Variants in ZNF569 observed in about 807,000 individuals in gnomAD.
The protein encoded by ZNF569 is zinc finger protein 569.
A neutral mutation model predicts 56.3 loss-of-function variants in ZNF569; 38 were observed. That is an observed-to-expected ratio of 0.68 (90% CI 0.52 to 0.88). ZNF569 has a LOEUF of 0.88. Among genes scored for constraint, ZNF569 ranks in the 40% least tolerant of loss-of-function variants. The probability of loss-of-function intolerance (pLI) is 0.00; values close to 1 mark genes in which losing one functional copy is unlikely to be tolerated. For missense variants in ZNF569, 666 were observed against 809.2 expected, an observed-to-expected ratio of 0.82 and a Z score of 2.15; for synonymous variants, 241 against 262.9, an observed-to-expected ratio of 0.92 and a Z score of 0.81.
chr19:37,447,025 G>C (rs981146435), intron 2 of ZNF569, among the ~76,000 whole-genome samples: 4 of 152,120 alleles, frequency 2.6e-5, no homozygotes, highest in Non-Finnish European at 5.9e-5. Flanking sequence ...CTAATTATTA[G>C]GGAAACGCAA....
intron 3 of ZNF569, among the ~76,000 whole-genome samples, chr19:37,443,015 T>C (rs909314843): frequency 1.3e-5 from 2 of 152,160 alleles, no homozygotes; most frequent in Admixed American, 6.6e-5. Context: ...ATTAACTGAG[T>C]GTGCCTGAGG....
At chr19:37,452,206 C>T (rs1361591015) in intron 2 of ZNF569, among the ~76,000 whole-genome samples, 2 of 152,114 alleles carry the variant, frequency 1.3e-5, no homozygotes, top group South Asian at 4.1e-4. Flanking sequence ...ATTTTAAATT[C>T]TCCTGCCCAC....
At chr19:37,420,256 C>T (rs761925017) in intron 5 of ZNF569, among the ~76,000 whole-genome samples, 22 of 151,632 alleles carry the variant, frequency 1.5e-4, no homozygotes, top group Admixed American at 4.6e-4. Flanking sequence ...CCAAAGTGCT[C>T]GGATTACAGG....
At chr19:37,464,866 T>C (rs1279531022) in intron 2 of ZNF569, among the ~76,000 whole-genome samples, 1 of 152,212 alleles carries the variant, frequency 6.6e-6, no homozygotes, top group Non-Finnish European at 1.5e-5. Flanking sequence ...CAAAGCTGTC[T>C]TCTTAAATTG....
intron 5 of ZNF569, among the ~76,000 whole-genome samples, chr19:37,417,780 G>T (rs1352870319): frequency 6.6e-6 from 1 of 152,126 alleles, no homozygotes; most frequent in African/African-American, 2.4e-5. Context: ...TGTAAGAGAA[G>T]AATTACTTTT....
intron 2 of ZNF569, among the ~76,000 whole-genome samples, chr19:37,449,666 T>C (rs1056174009): frequency 4.6e-5 from 7 of 151,612 alleles, no homozygotes; most frequent in African/African-American, 1.5e-4. Context: ...TTTTGGTTAG[T>C]ATTTTGTGGC....
At chr19:37,444,529 A>G (rs2146939384) in intron 3 of ZNF569, among the ~76,000 whole-genome samples, 1 of 152,328 alleles carries the variant, frequency 6.6e-6, no homozygotes, top group East Asian at 1.9e-4. Flanking sequence ...GAGAACATCA[A>G]AAGAGCTAGG....
At chr19:37,425,140 A>T (rs2041105646) in intron 5 of ZNF569, among the ~76,000 whole-genome samples, 2 of 151,658 alleles carry the variant, frequency 1.3e-5, no homozygotes, top group Non-Finnish European at 2.9e-5. Flanking sequence ...AAAGGTCTAC[A>T]TGCTTTCTGA....
chr19:37,448,556 C>CTT (rs545559315), intron 2 of ZNF569, among the ~76,000 whole-genome samples: 1,780 of 72,578 alleles, frequency 0.025, 29 homozygotes, highest in Non-Finnish European at 0.027. Flanking sequence ...ATGCTGTAAT[C>CTT]TTTTTTTTTT....
chr19:37,414,706 G>GA (rs2040899379), intron 5 of ZNF569, among the ~76,000 whole-genome samples: 1 of 152,034 alleles, frequency 6.6e-6, no homozygotes, highest in Non-Finnish European at 1.5e-5. Context: ...AGGAAATGCA[G>GA]AATGTACAAA....
At chr19:37,465,732 G>T (rs934947324) in intron 1 of ZNF569, among the ~76,000 whole-genome samples, 2 of 152,014 alleles carry the variant, frequency 1.3e-5, no homozygotes, top group African/African-American at 2.4e-5. Context: ...ATAGGTTCTG[G>T]GAACCTTTAA....
intron 2 of ZNF569, among the ~76,000 whole-genome samples, chr19:37,457,927 T>C: frequency 6.6e-6 from 1 of 152,210 alleles, no homozygotes; most frequent in Non-Finnish European, 1.5e-5. Flanking sequence ...TTGCCCAAGC[T>C]GGAGGAGCGC....
At chr19:37,419,697 T>G (rs111680907) in intron 5 of ZNF569, among the ~76,000 whole-genome samples, 9 of 152,042 alleles carry the variant, frequency 5.9e-5, no homozygotes, top group African/African-American at 2.2e-4. Flanking sequence ...CACTCCAGCC[T>G]GGGTAACTAA....
intron 2 of ZNF569, among the ~76,000 whole-genome samples, chr19:37,452,680 C>T (rs2041614113): frequency 6.6e-6 from 1 of 151,988 alleles, no homozygotes; most frequent in South Asian, 2.1e-4. Context: ...GAAAAAAATC[C>T]CTTAATAGTC....
intron 5 of ZNF569, among the ~76,000 whole-genome samples, chr19:37,416,074 G>C (rs2040925964): frequency 1.3e-5 from 2 of 150,926 alleles, no homozygotes; most frequent in African/African-American, 4.9e-5. Flanking sequence ...TTCTACAAAA[G>C]ATACAAAAAT....
intron 2 of ZNF569, among the ~76,000 whole-genome samples, chr19:37,447,796 T>C (rs921202040): frequency 6.6e-6 from 1 of 152,130 alleles, no homozygotes; most frequent in Non-Finnish European, 1.5e-5. Context: ...AGGAGTTGCT[T>C]TGTTTTTTGT....
chr19:37,420,135 C>G (rs775839384), intron 5 of ZNF569, among the ~76,000 whole-genome samples: 1 of 151,620 alleles, frequency 6.6e-6, no homozygotes, highest in African/African-American at 2.4e-5. Context: ...TACAGGTGTG[C>G]GCCACCACGC....
intron 5 of ZNF569, among the ~76,000 whole-genome samples, chr19:37,418,423 TA>T (rs1189401654): frequency 2.0e-5 from 3 of 152,144 alleles, no homozygotes; most frequent in Non-Finnish European, 4.4e-5. Flanking sequence ...TGGTATCATT[TA>T]AAAGGCATAA....
At chr19:37,417,154 A>G (rs1385083293) in intron 5 of ZNF569, among the ~76,000 whole-genome samples, 2 of 152,198 alleles carry the variant, frequency 1.3e-5, no homozygotes, top group African/African-American at 4.8e-5. Context: ...GGGATACCAG[A>G]AGCTGAAAGA....
Sources: allele counts gnomAD v4.1 joint callset (sites outside exome capture counted in the v4.1 genomes callset), GRCh38; gene constraint gnomAD v4.1.1; transcripts MANE v1.5; gene names NCBI Gene and HGNC (gene_info 2026-07-23, HGNC 2026-07-21).